Variants in KCNIP4 observed in about 807,000 individuals in gnomAD.
The protein encoded by KCNIP4 is Kv channel-interacting protein 4.
KCNIP4 carries 12 observed loss-of-function variants against 34.0 expected under a neutral mutation model. The ratio of observed to expected loss-of-function variants is 0.35; its 90% CI spans 0.23 to 0.57. The LOEUF is 0.57. Among genes scored for constraint, KCNIP4 ranks in the 20% least tolerant of loss-of-function variants. The probability of loss-of-function intolerance (pLI) is 0.83; values close to 1 mark genes in which losing one functional copy is unlikely to be tolerated. For synonymous variants in KCNIP4, 124 were observed against 102.2 expected, an observed-to-expected ratio of 1.21 and a Z score of -1.29; for missense variants, 238 against 311.7, an observed-to-expected ratio of 0.76 and a Z score of 1.78.
chr4:21,422,763 A>G (rs945943050), intron 1 of KCNIP4, among the ~76,000 whole-genome samples: 3 of 151,982 alleles, frequency 2.0e-5, no homozygotes, highest in African/African-American at 7.3e-5. Context: ...AGAAGCTACT[A>G]TATTTACCAC....
chr4:21,513,148 G>T (rs1734473689), intron 1 of KCNIP4, among the ~76,000 whole-genome samples: 1 of 152,182 alleles, frequency 6.6e-6, no homozygotes, highest in Non-Finnish European at 1.5e-5. Flanking sequence ...TGACTAACAG[G>T]ACAGCCCTGC....
intron 5 of KCNIP4, among the ~76,000 whole-genome samples, chr4:20,735,120 G>A (rs1215197045): frequency 6.6e-6 from 1 of 152,110 alleles, no homozygotes; most frequent in Non-Finnish European, 1.5e-5. Context: ...ATGAAAAACC[G>A]TTTGCTAATA....
chr4:21,537,334 T>G (rs1472508132), intron 1 of KCNIP4, among the ~76,000 whole-genome samples: 1 of 152,306 alleles, frequency 6.6e-6, no homozygotes, highest in East Asian at 1.9e-4. Flanking sequence ...TGCTTATGGA[T>G]AGTGGCGATG....
intron 1 of KCNIP4, among the ~76,000 whole-genome samples, chr4:21,117,313 G>A (rs562663166): frequency 4.4e-5 from 6 of 136,538 alleles, no homozygotes; most frequent in African/African-American, 7.7e-5. Context: ...GGGGGGGGGG[G>A]GGGGGGCGCT....
chr4:21,624,051 G>A (rs898599387), intron 1 of KCNIP4, among the ~76,000 whole-genome samples: 2 of 152,094 alleles, frequency 1.3e-5, no homozygotes, highest in Non-Finnish European at 2.9e-5. Context: ...ACTCCAGGCA[G>A]CAATTAGCCC....
chr4:21,510,795 T>C (rs1734249360), intron 1 of KCNIP4, among the ~76,000 whole-genome samples: 1 of 151,992 alleles, frequency 6.6e-6, no homozygotes, highest in Non-Finnish European at 1.5e-5. Context: ...GGTGGGCAGA[T>C]CACCTGAGGT....
rs147687940 is a variant in KCNIP4, at chr4:21,192,952, CTAATAA to C, written c.62-310249_62-310244del. 5.3e-4 allele frequency among the ~76,000 whole-genome samples: 77 copies of C among 145,110 alleles called. 1 individual carries two copies. Among genetic ancestry groups the C allele is most frequent in the African/African-American group, 1.3e-3 (49 of 39,146 alleles). Reference sequence around the variant, plus strand: ...ACTACTACTACTACTACTACTACTACTAATAATAATAATAATTAGTTGGGTGTGGTG... The same window carrying C: ...ACTACTACTACTACTACTACTACTACTAATAATAATTAGTTGGGTGTGGTG... On this transcript the variant is annotated intron_variant, in intron 1 of 8. Coordinates refer to ENST00000382152, the MANE Select transcript of KCNIP4 (RefSeq NM_025221.6).
intron 1 of KCNIP4, among the ~76,000 whole-genome samples, chr4:20,914,079 C>A (rs746360953): frequency 6.6e-6 from 1 of 151,958 alleles, no homozygotes; most frequent in Non-Finnish European, 1.5e-5. Context: ...ATCGCTTGAA[C>A]CCGGGAGGAG....
At chr4:21,379,751 G>T (rs976658628) in intron 1 of KCNIP4, among the ~76,000 whole-genome samples, 10 of 152,124 alleles carry the variant, frequency 6.6e-5, no homozygotes, top group Non-Finnish European at 1.2e-4. Context: ...CGCCATAACT[G>T]TTTTTCTATA....
At chr4:21,108,374 T>C (rs1377370503) in intron 1 of KCNIP4, among the ~76,000 whole-genome samples, 1 of 151,078 alleles carries the variant, frequency 6.6e-6, no homozygotes, top group Non-Finnish European at 1.5e-5. Context: ...ATACCCTTTC[T>C]TCCAGTTGAT....
intron 1 of KCNIP4, among the ~76,000 whole-genome samples, chr4:21,233,092 G>T (rs2109024554): frequency 6.6e-6 from 1 of 152,260 alleles, no homozygotes; most frequent in South Asian, 2.1e-4. Context: ...CGGGTCACTT[G>T]CTAGGTTGAT....
chr4:20,737,396 A>T (rs1306781410), intron 5 of KCNIP4, among the ~76,000 whole-genome samples: 1 of 152,170 alleles, frequency 6.6e-6, no homozygotes, highest in Non-Finnish European at 1.5e-5. Flanking sequence ...GTAATTTTTA[A>T]TGAGGAGCAC....
chr4:21,537,929 T>C (rs1000403195), intron 1 of KCNIP4, among the ~76,000 whole-genome samples: 2 of 144,530 alleles, frequency 1.4e-5, no homozygotes, highest in Non-Finnish European at 3.0e-5. Context: ...GAAGAATAGC[T>C]TGAACCAGGG....
chr4:20,895,961 G>C (rs963650386), intron 1 of KCNIP4, among the ~76,000 whole-genome samples: 1 of 152,176 alleles, frequency 6.6e-6, no homozygotes, highest in Non-Finnish European at 1.5e-5. Flanking sequence ...ATTCCTGGTG[G>C]GCTAGAGTTG....
At chr4:20,898,431 C>A (rs1256056334) in intron 1 of KCNIP4, among the ~76,000 whole-genome samples, 1 of 152,160 alleles carries the variant, frequency 6.6e-6, no homozygotes, top group African/African-American at 2.4e-5. Flanking sequence ...ACACCACTAA[C>A]AATGAATGAA....
chr4:21,604,450 T>C (rs1743472236), intron 1 of KCNIP4, among the ~76,000 whole-genome samples: 1 of 152,184 alleles, frequency 6.6e-6, no homozygotes, highest in Non-Finnish European at 1.5e-5. Flanking sequence ...GATTTCAGTA[T>C]AAAAGACTTA....
chr4:21,262,043 G>T (rs1233781177), intron 1 of KCNIP4, among the ~76,000 whole-genome samples: 2 of 152,156 alleles, frequency 1.3e-5, no homozygotes, highest in African/African-American at 4.8e-5. Flanking sequence ...ATCTCATAAT[G>T]TTCTTCTGTT....
intron 1 of KCNIP4, among the ~76,000 whole-genome samples, chr4:21,765,833 A>AC (rs1358188750): frequency 6.6e-5 from 10 of 151,440 alleles, no homozygotes; most frequent in Middle Eastern, 3.4e-3. Flanking sequence ...AAAAAAAAAA[A>AC]AAAAAACAAA....
At chr4:21,738,092 A>AAAAT (rs11444057) in intron 1 of KCNIP4, among the ~76,000 whole-genome samples, 8,899 of 142,152 alleles carry the variant, frequency 0.063, 341 homozygotes, top group South Asian at 0.16. Context: ...ACTCCATCTC[A>AAAAT]AAATAAATAA....
Sources: gnomAD v4.1 joint callset for allele counts (sites outside exome capture counted in the v4.1 genomes callset) on GRCh38, gnomAD v4.1.1 for gene constraint, MANE v1.5 for transcripts, NCBI Gene and HGNC (gene_info 2026-07-23, HGNC 2026-07-21) for gene names.